The following UBE2Q2 variants were observed in gnomAD, a reference collection of about 807,000 sequenced individuals.
UBE2Q2 encodes the protein ubiquitin conjugating enzyme E2 Q2, also known as ubiquitin-conjugating enzyme E2 Q2.
Under a neutral mutation model 59.9 loss-of-function variants are expected in UBE2Q2, and 54 were observed. The ratio of observed to expected loss-of-function variants is 0.90; its 90% confidence interval spans 0.72 to 1.13. The LOEUF (loss-of-function observed/expected upper bound fraction) is 1.13, where lower values mean the gene tolerates loss of function less well. Ranked by LOEUF, UBE2Q2 falls within the 50% of genes most tolerant of loss-of-function variation. The pLI is 0.00. For synonymous variants in UBE2Q2, 165 were observed against 155.2 expected, an observed-to-expected ratio of 1.06 and a Z score of -0.47; for missense variants, 433 against 441.9, an observed-to-expected ratio of 0.98 and a Z score of 0.18.
rs370603415 is a variant in UBE2Q2, at chr15:75,843,702, C to T, written c.36C>T (p.Phe12=). The T allele has an allele frequency of 3.7e-6, 6 of 1,611,202 alleles. No individual in the cohort carries two copies. The highest frequency in any genetic ancestry group is 1.3e-5 in the African/African-American group (1 of 74,312). Residue 12 remains phenylalanine, a synonymous_variant, in exon 1 of 13, where the codon TTC becomes TTT. Coordinates refer to ENST00000267938, the MANE Select transcript of UBE2Q2 (RefSeq NM_173469.4). ...SVSGLKAELK[F]LASIFDKNHE... ...CAGGGCTCAAGGCCGAGCTGAAGTT[C>T]CTGGCGTCCATCTTCGACAAGAACC...
In UBE2Q2 at chr15:75,899,546, C is replaced by A; in HGVS notation, c.*88C>A. The A allele has an allele frequency of 1.9e-6, 2 of 1,073,952 alleles. No homozygotes were observed. The highest frequency in any genetic ancestry group is 1.6e-5 in the African/African-American group (1 of 62,584). 66.5% of individuals were successfully genotyped at this position (1,073,952 alleles called of 1,614,324 possible). A position where few individuals can be genotyped will look rare whatever the true frequency, so the allele number is the denominator to read the frequency against. On this transcript the variant is annotated 3_prime_UTR_variant, in exon 13 of 13. Coordinates refer to ENST00000267938, the MANE Select transcript of UBE2Q2 (RefSeq NM_173469.4). ...ACAAAAGCTTTGAGTGCCCCTATTACAGCAGTACCGAAGATGTTAGTTAAT... is the reference window on the plus strand; with the variant it reads ...ACAAAAGCTTTGAGTGCCCCTATTAAAGCAGTACCGAAGATGTTAGTTAAT...
intron 1 of UBE2Q2, among the ~76,000 whole-genome samples, chr15:75,853,187 A>G (rs1046537018): frequency 2.0e-5 from 3 of 152,208 alleles, no homozygotes; most frequent in Non-Finnish European, 4.4e-5. Flanking sequence ...TAAAAAAGAT[A>G]TGGGCCTGGC....
At chr15:75,844,536 A>C in intron 1 of UBE2Q2, 1 of 1,538,590 alleles carries the variant, frequency 6.5e-7, no homozygotes, top group East Asian at 2.5e-5. Context: ...GTAAGCCTCG[A>C]AAATGGATAG....
At chr15:75,888,827 CCTTT>C (rs1458054441) in intron 9 of UBE2Q2, among the ~76,000 whole-genome samples, 5 of 152,220 alleles carry the variant, frequency 3.3e-5, no homozygotes, top group African/African-American at 1.2e-4. Context: ...CCAAAAACTC[CCTTT>C]CTTCCCCCCA....
rs1896133228 is a variant in UBE2Q2 at position 75,843,607 on chromosome 15, C to G, written c.-60C>G. On this transcript the variant is annotated 5_prime_UTR_variant, in exon 1 of 13. Coordinates refer to ENST00000267938, the MANE Select transcript of UBE2Q2 (RefSeq NM_173469.4). ...GCGGCCGTGACGGCGGCTCCGGGCC[C>G]GGCTCCCCTTCCGCGCCCGGCTCCC... The G allele has an allele frequency of 6.8e-6, 10 of 1,473,598 alleles. No individual in the cohort carries two copies. In the South Asian group the frequency reaches 1.3e-4, roughly 19 times the overall value. 91.3% of individuals were successfully genotyped at this position (1,473,598 alleles called of 1,614,324 possible).
intron 1 of UBE2Q2, among the ~76,000 whole-genome samples, chr15:75,845,830 A>G (rs1896316871): frequency 6.6e-6 from 1 of 152,200 alleles, no homozygotes; most frequent in African/African-American, 2.4e-5. Context: ...AGTCTGCTGC[A>G]GATAAAAATA....
intron 4 of UBE2Q2, among the ~76,000 whole-genome samples, chr15:75,872,767 C>T (rs886455631): frequency 6.6e-6 from 1 of 152,008 alleles, no homozygotes; most frequent in Non-Finnish European, 1.5e-5. Flanking sequence ...TTAAATGCCT[C>T]CAGAGATAAC....
intron 11 of UBE2Q2, among the ~76,000 whole-genome samples, chr15:75,895,472 C>T (rs573607590): frequency 2.6e-5 from 4 of 151,978 alleles, no homozygotes; most frequent in South Asian, 2.1e-4. Flanking sequence ...TGTGAGCCAC[C>T]GTGCCTGGCC....
chr15:75,873,792 C>T (rs1430901340), intron 5 of UBE2Q2, among the ~76,000 whole-genome samples: 2 of 152,178 alleles, frequency 1.3e-5, no homozygotes, highest in African/African-American at 4.8e-5. Flanking sequence ...ATCTCTCAGG[C>T]TCCAGTAATC....
intron 9 of UBE2Q2, among the ~76,000 whole-genome samples, chr15:75,883,839 T>TAC (rs10524276): frequency 0.012 from 1,802 of 151,966 alleles, 39 homozygotes; most frequent in African/African-American, 0.04. Flanking sequence ...TATTTATACA[T>TAC]ACACACACAC....
chr15:75,868,942 C>A lies in UBE2Q2; in HGVS notation c.388-9C>A. The A allele has an allele frequency of 6.2e-7, 1 of 1,612,524 alleles. No individual in the cohort carries two copies. Among genetic ancestry groups the A allele is most frequent in the South Asian group, 1.1e-5 (1 of 91,004 alleles). On this transcript the variant is annotated splice_polypyrimidine_tract_variant and intron_variant, in intron 3 of 12. Coordinates refer to ENST00000267938, the MANE Select transcript of UBE2Q2 (RefSeq NM_173469.4). ...TGTATAGCCCTGGCAGATTCTTTCT[C>A]TGTTTCAGAATGGGACAACAGAAGA...
At chr15:75,844,105 T>A in intron 1 of UBE2Q2, 1 of 1,413,526 alleles carries the variant, frequency 7.1e-7, no homozygotes, top group Middle Eastern at 2.6e-4. Context: ...TCGGTCCCCG[T>A]CTCCTAGCCC....
At chr15:75,884,764 A>G (rs1359849341) in intron 9 of UBE2Q2, among the ~76,000 whole-genome samples, 3 of 152,078 alleles carry the variant, frequency 2.0e-5, no homozygotes, top group African/African-American at 4.8e-5. Context: ...GGCTCAAGAT[A>G]TCTTCCCACC....
chr15:75,884,310 G>A (rs899868964), intron 9 of UBE2Q2, among the ~76,000 whole-genome samples: 4 of 152,212 alleles, frequency 2.6e-5, no homozygotes, highest in Non-Finnish European at 5.9e-5. Flanking sequence ...TTCTATGGTT[G>A]AGATAGTAAT....
At chr15:75,897,125 A>C in intron 12 of UBE2Q2, 64 bp downstream of exon 12, 1 of 938,128 alleles carries the variant, frequency 1.1e-6, no homozygotes, top group Non-Finnish European at 1.5e-6. Context: ...ATTAATACTT[A>C]CCATTTTATT....
At chr15:75,886,858 G>A (rs767439149) in intron 9 of UBE2Q2, among the ~76,000 whole-genome samples, 4 of 151,968 alleles carry the variant, frequency 2.6e-5, no homozygotes, top group East Asian at 3.9e-4. Flanking sequence ...GCGAGAGTCC[G>A]TCTCAAATTT....
chr15:75,875,498 G>A (rs1159715572), intron 5 of UBE2Q2, among the ~76,000 whole-genome samples: 2 of 152,202 alleles, frequency 1.3e-5, no homozygotes, highest in African/African-American at 4.8e-5. Context: ...GACCATCTGT[G>A]TAATATTCTT....
intron 9 of UBE2Q2, among the ~76,000 whole-genome samples, chr15:75,887,525 A>C (rs1595894396): frequency 6.6e-6 from 1 of 152,142 alleles, no homozygotes; most frequent in East Asian, 1.9e-4. Context: ...GTGCTGATGT[A>C]ATATCTTGTA....
chr15:75,870,141 C>T (rs1897708965), intron 4 of UBE2Q2, among the ~76,000 whole-genome samples: 1 of 152,080 alleles, frequency 6.6e-6, no homozygotes, highest in Admixed American at 6.5e-5. Flanking sequence ...GATCACGGCT[C>T]ACTGCAACCT....
Sources: gnomAD v4.1 joint callset for allele counts (sites outside exome capture counted in the v4.1 genomes callset) on GRCh38, gnomAD v4.1.1 for gene constraint, MANE v1.5 for transcripts, NCBI Gene and HGNC (gene_info 2026-07-23, HGNC 2026-07-21) for gene names.